FAF2: variants seen among roughly 807,000 people sequenced by gnomAD.
The protein encoded by FAF2 is FAS-associated factor 2.
A neutral mutation model predicts 62.3 loss-of-function variants in FAF2; 9 were observed. The ratio of observed to expected loss-of-function variants is 0.14; its 90% confidence interval spans 0.09 to 0.25. The LOEUF is 0.25. Among genes scored for constraint, FAF2 ranks in the 10% least tolerant of loss-of-function variants. The pLI, the probability that FAF2 is intolerant of heterozygous loss-of-function variation, is 1.00. For missense variants in FAF2, 368 were observed against 556.2 expected, an observed-to-expected ratio of 0.66 and a Z score of 3.40; for synonymous variants, 202 against 198.0, an observed-to-expected ratio of 1.02 and a Z score of -0.17.
chr5:176,493,896 C>G, intron 5 of FAF2, 103 bp from the exon 6 acceptor site: 1 of 760,568 alleles, frequency 1.3e-6, no homozygotes, highest in Non-Finnish European at 2.2e-6. Context: ...CTTATTTTTC[C>G]TTTTGTTCCT....
chr5:176,454,577 GAAAAAA>G (rs56324116), intron 1 of FAF2, among the ~76,000 whole-genome samples: 48 of 95,274 alleles, frequency 5.0e-4, no homozygotes, highest in African/African-American at 1.9e-3. Context: ...GATTCTGTCT[GAAAAAA>G]AAAAAAAAAA....
In FAF2 at chr5:176,496,556, T is replaced by C; in HGVS notation, c.732T>C (p.Thr244=). ...AMIMLKDRRM[T]VVGRLEGLIQ... Reference sequence around the variant, plus strand: ...TTATGCTGAAGGATCGAAGGATGACTGTGGTGGGACGGCTAGAAGGCCTCA... The same window carrying C: ...TTATGCTGAAGGATCGAAGGATGACCGTGGTGGGACGGCTAGAAGGCCTCA... The change falls in exon 8 of 11, where the codon ACT becomes ACC. Residue 244 remains threonine, a synonymous_variant. Transcript: ENST00000261942. 1 of 1,613,274 alleles carries C rather than the reference T, an allele frequency of 6.2e-7. No individual in the cohort carries two copies. The highest frequency in any genetic ancestry group is 8.5e-7 in the Non-Finnish European group (1 of 1,179,592).
chr5:176,501,082 G>T (rs546068621), intron 10 of FAF2, among the ~76,000 whole-genome samples: 141 of 151,940 alleles, frequency 9.3e-4, no homozygotes, highest in Non-Finnish European at 1.8e-3. Context: ...AGCCAAGATT[G>T]CAGCACTGCA....
chr5:176,500,417 T>C (rs1015646496), intron 10 of FAF2, among the ~76,000 whole-genome samples: 3 of 152,178 alleles, frequency 2.0e-5, no homozygotes, highest in Non-Finnish European at 4.4e-5. Flanking sequence ...AAAGGTACCT[T>C]ACATAAGTCC....
chr5:176,496,104 C>T (rs1018236217), intron 7 of FAF2, among the ~76,000 whole-genome samples: 2 of 152,284 alleles, frequency 1.3e-5, no homozygotes, highest in South Asian at 2.1e-4. Context: ...AACAACCACA[C>T]CGCCACCAGG....
intron 10 of FAF2, among the ~76,000 whole-genome samples, chr5:176,503,348 A>G (rs1200577476): frequency 6.6e-6 from 1 of 151,994 alleles, no homozygotes; most frequent in East Asian, 1.9e-4. Context: ...AGGGGTCAGG[A>G]GTTTGAGAGC....
At chr5:176,466,877 T>G (rs1292174906) in intron 1 of FAF2, among the ~76,000 whole-genome samples, 1 of 148,370 alleles carries the variant, frequency 6.7e-6, no homozygotes, top group Non-Finnish European at 1.5e-5. Flanking sequence ...TTACTAGAGA[T>G]TGATTGGGGT....
At chr5:176,460,519 T>C (rs1486753541) in intron 1 of FAF2, among the ~76,000 whole-genome samples, 1 of 142,572 alleles carries the variant, frequency 7.0e-6, no homozygotes, top group Non-Finnish European at 1.5e-5. Context: ...GCCGCGTGTG[T>C]GTGTGTGTGT....
chr5:176,485,088 G>C (rs1223282350), intron 2 of FAF2, among the ~76,000 whole-genome samples: 1 of 152,134 alleles, frequency 6.6e-6, no homozygotes, highest in Non-Finnish European at 1.5e-5. Context: ...GATGGAAAAG[G>C]CATTTTTTGA....
chr5:176,508,469 C>T lies in FAF2; in HGVS notation c.*1519C>T, dbSNP rs1365649340. ...GCTTTCTCTCTTGCTTAACTAAAAC[C>T]TAAGGACCACTGTTTTTGGTAGCAA... is the stretch of plus-strand genomic sequence containing the variant. On this transcript the variant is annotated 3_prime_UTR_variant, in exon 11 of 11. Transcript: ENST00000261942. The T allele has an allele frequency of 2.6e-5, 4 of 152,160 alleles. No individual in the cohort carries two copies. The highest frequency in any genetic ancestry group is 9.7e-5 in the African/African-American group (4 of 41,434). 9.4% of individuals were successfully genotyped at this position (152,160 alleles called of 1,614,324 possible).
chr5:176,475,422 G>A (rs1270405054), intron 1 of FAF2, among the ~76,000 whole-genome samples: 1 of 152,158 alleles, frequency 6.6e-6, no homozygotes, highest in Non-Finnish European at 1.5e-5. Flanking sequence ...GTGAGCCACT[G>A]TGCGTAGCCT....
chr5:176,479,318 G>A (rs747278734), intron 2 of FAF2, 62 bp downstream of exon 2: 510 of 1,337,206 alleles, frequency 3.8e-4, no homozygotes, highest in East Asian at 1.1e-3. Flanking sequence ...AGTCAAAACC[G>A]TATGTTTTTC....
chr5:176,465,747 C>A (rs1425088727), intron 1 of FAF2, among the ~76,000 whole-genome samples: 1 of 152,106 alleles, frequency 6.6e-6, no homozygotes, highest in Non-Finnish European at 1.5e-5. Flanking sequence ...GTAATGGGTA[C>A]CTGGGAGGCT....
chr5:176,473,368 A>G (rs1458597940), intron 1 of FAF2, among the ~76,000 whole-genome samples: 1 of 152,166 alleles, frequency 6.6e-6, no homozygotes, highest in Non-Finnish European at 1.5e-5. Flanking sequence ...GGTTTTTGGC[A>G]GGAAGATTAC....
intron 2 of FAF2, among the ~76,000 whole-genome samples, chr5:176,483,809 G>A (rs1561823032): frequency 6.6e-6 from 1 of 152,350 alleles, no homozygotes; most frequent in East Asian, 1.9e-4. Flanking sequence ...GGGTGTGGTG[G>A]CTCACGCCTG....
intron 4 of FAF2, 108 bp from the exon 5 acceptor site, chr5:176,492,086 C>G (rs1283359397): frequency 1.5e-6 from 2 of 1,301,872 alleles, no homozygotes; most frequent in Non-Finnish European, 2.2e-6. Context: ...GTTCACCTCC[C>G]TTTGTTGCCG....
In FAF2 at chr5:176,488,980, A is replaced by G; in HGVS notation, c.297A>G (p.Ile99Met). Residue 99 changes from isoleucine (I) to methionine (M), a missense_variant, in exon 4 of 11, where the codon ATA becomes ATG. Ile to Met is a conservative substitution (Grantham distance 10, BLOSUM62 1). Around this residue, in one of 2 missense-constraint regions of FAF2, gnomAD observed 331 missense variants for 441.9 expected, o/e 0.75. Transcript: ENST00000261942. ...RGLLGWGYYL[I>M]MLPFRFTYYT... ...TGCTTGGATGGGGTTATTACTTGAT[A>G]ATGCTTCCATTCCGGTTTACCTATT... 1.2e-6 allele frequency: 2 copies of G among 1,614,046 alleles called. No homozygotes were observed. Among genetic ancestry groups the G allele is most frequent in the East Asian group, 4.5e-5 (2 of 44,858 alleles).
chr5:176,479,093 T>C (rs180935813), intron 1 of FAF2, 95 bp from the exon 2 acceptor site: 693 of 956,240 alleles, frequency 7.2e-4, no homozygotes, highest in Admixed American at 1.1e-3. Flanking sequence ...TTTAACATTT[T>C]TTAGTGTATT....
At position 176,508,105 on chromosome 5, in the gene FAF2, G is replaced by A. The variant is rs1174925316; in HGVS notation, c.*1155G>A. 6.6e-6 allele frequency: 1 copy of A among 152,632 alleles called. No homozygotes were observed. Among genetic ancestry groups the A allele is most frequent in the African/African-American group, 2.4e-5 (1 of 41,444 alleles). 9.5% of individuals were successfully genotyped at this position (152,632 alleles called of 1,614,324 possible). Reference sequence around the variant, plus strand: ...AGCCAAGACAGAACTCCCAGCCTGTGTAATCTATTGGAAGGCACATTTTCA... The same window carrying A: ...AGCCAAGACAGAACTCCCAGCCTGTATAATCTATTGGAAGGCACATTTTCA... On this transcript the variant is annotated 3_prime_UTR_variant, in exon 11 of 11. Transcript: ENST00000261942.
Sources: allele counts gnomAD v4.1 joint callset (sites outside exome capture counted in the v4.1 genomes callset), GRCh38; gene constraint gnomAD v4.1.1; regional missense constraint gnomAD v4.1.1; transcripts MANE v1.5; gene names NCBI Gene and HGNC (gene_info 2026-07-23, HGNC 2026-07-21).